RALGPS2: variants seen among roughly 807,000 people sequenced by gnomAD.
The protein encoded by RALGPS2 is Ral GEF with PH domain and SH3 binding motif 2.
A neutral mutation model predicts 86.8 loss-of-function variants in RALGPS2; 43 were observed. The observed-to-expected ratio is 0.50, with a 90% CI of 0.39 to 0.64. The LOEUF is 0.64. Among genes scored for constraint, RALGPS2 ranks in the 30% least tolerant of loss-of-function variants. The probability of loss-of-function intolerance (pLI) is 0.00; values close to 1 mark genes in which losing one functional copy is unlikely to be tolerated. For missense variants in RALGPS2, 536 were observed against 694.6 expected (o/e 0.77, Z 2.57); for synonymous variants, 243 against 231.3 (o/e 1.05, Z -0.46).
At chr1:178,814,428 G>GTC (rs761885056) in intron 6 of RALGPS2, among the ~76,000 whole-genome samples, 91 of 151,386 alleles carry the variant, frequency 6.0e-4, no homozygotes, top group African/African-American at 1.9e-3. Flanking sequence ...AAATTACTGA[G>GTC]TCTCTCTCTC....
At position 178,833,654 on chromosome 1, in the gene RALGPS2, A is replaced by G. The variant is rs573681541; in HGVS notation, c.607+104A>G. The G allele has an allele frequency of 3.5e-6, 5 of 1,446,338 alleles. No individual in the cohort carries two copies. In the South Asian group the frequency reaches 4.6e-5, roughly 13 times the overall value. 89.6% of individuals were successfully genotyped at this position (1,446,338 alleles called of 1,614,324 possible). ...TTTTTTAAATGTTTGTATCTTTTAA[A>G]TAAATTACTTCAAGATTGGTAAGCT... On this transcript the variant is annotated intron_variant, in intron 8 of 19. Transcript: ENST00000367635.
At chr1:178,731,271 G>GTTTTTTTTT (rs1491268143) in intron 1 of RALGPS2, among the ~76,000 whole-genome samples, 19 of 69,360 alleles carry the variant, frequency 2.7e-4, no homozygotes, top group African/African-American at 9.8e-4. Context: ...TAGTTGTTTT[G>GTTTTTTTTT]GTTTTTTTTT....
chr1:178,778,610 C>T, intron 2 of RALGPS2, among the ~76,000 whole-genome samples: 1 of 113,678 alleles, frequency 8.8e-6, no homozygotes, highest in Non-Finnish European at 1.8e-5. Context: ...TTTATTGCGG[C>T]ATTATTCACA....
intron 1 of RALGPS2, among the ~76,000 whole-genome samples, chr1:178,734,887 AGTTT>A (rs1341503560): frequency 6.6e-6 from 1 of 152,188 alleles, no homozygotes; most frequent in African/African-American, 2.4e-5. Context: ...AATGTTGAGT[AGTTT>A]GTGTGGTGGG....
At chr1:178,871,398 T>C (rs1658747088) in intron 8 of RALGPS2, among the ~76,000 whole-genome samples, 1 of 152,118 alleles carries the variant, frequency 6.6e-6, no homozygotes, top group African/African-American at 2.4e-5. Flanking sequence ...CACTTAGAAG[T>C]AGTTGCAGGC....
chr1:178,879,928 A>G (rs1659168433), intron 10 of RALGPS2: 1 of 151,928 alleles, frequency 6.6e-6, no homozygotes, highest in South Asian at 2.1e-4. Context: ...TCTTTCGTTG[A>G]TACAGTTTAC....
intron 1 of RALGPS2, among the ~76,000 whole-genome samples, chr1:178,732,332 T>C (rs1226725367): frequency 6.6e-6 from 1 of 150,534 alleles, no homozygotes; most frequent in African/African-American, 2.5e-5. Context: ...AGAGTCTCAC[T>C]CTGTCGCCTA....
intron 1 of RALGPS2, among the ~76,000 whole-genome samples, chr1:178,770,626 A>G (rs889112377): frequency 1.4e-5 from 2 of 147,268 alleles, no homozygotes; most frequent in African/African-American, 5.1e-5. Flanking sequence ...ATAGGCACCC[A>G]CCACCAGGCC....
chr1:178,730,524 A>G (rs1252547592), intron 1 of RALGPS2, among the ~76,000 whole-genome samples: 19 of 150,370 alleles, frequency 1.3e-4, no homozygotes, highest in Non-Finnish European at 2.7e-4. Flanking sequence ...TTTTTTTTCT[A>G]CAAACTGTCC....
At chr1:178,810,678 A>G (rs1654936036) in intron 5 of RALGPS2, among the ~76,000 whole-genome samples, 1 of 152,044 alleles carries the variant, frequency 6.6e-6, no homozygotes, top group African/African-American at 2.4e-5. Flanking sequence ...TATATGTAAA[A>G]TACATACATA....
intron 1 of RALGPS2, among the ~76,000 whole-genome samples, chr1:178,771,694 G>A (rs1353573855): frequency 6.6e-6 from 1 of 152,014 alleles, no homozygotes; most frequent in Non-Finnish European, 1.5e-5. Flanking sequence ...TAAAGTTAGG[G>A]AAAAATTGTC....
chr1:178,808,969 C>T (rs555580684), intron 5 of RALGPS2, among the ~76,000 whole-genome samples: 10 of 152,090 alleles, frequency 6.6e-5, no homozygotes, highest in Non-Finnish European at 1.5e-4. Flanking sequence ...GACTCAGCCT[C>T]TCAGGTAGCC....
intron 1 of RALGPS2, among the ~76,000 whole-genome samples, chr1:178,764,930 A>T (rs571936752): frequency 6.6e-6 from 1 of 152,196 alleles, no homozygotes; most frequent in African/African-American, 2.4e-5. Context: ...CTGTCTCATG[A>T]TAGAGTTCTC....
chr1:178,755,484 T>C (rs1054684880), intron 1 of RALGPS2, among the ~76,000 whole-genome samples: 7 of 152,208 alleles, frequency 4.6e-5, no homozygotes, highest in African/African-American at 1.7e-4. Flanking sequence ...TAATGGCCTC[T>C]AGCTGCATCC....
In RALGPS2 at chr1:178,856,718, T is replaced by C. The variant is rs183685510; in HGVS notation, c.608-20780T>C. Reference sequence around the variant, plus strand: ...CTCCTTTATTCCTCATCTTAACACATAATTGTAGCTTATTTAATAAAGTAG... The same window carrying C: ...CTCCTTTATTCCTCATCTTAACACACAATTGTAGCTTATTTAATAAAGTAG... On this transcript the variant is annotated intron_variant, in intron 8 of 19. Coordinates refer to ENST00000367635, the MANE Select transcript of RALGPS2 (RefSeq NM_152663.5). Among the ~76,000 whole-genome samples the C allele has an allele frequency of 2.2e-4, 34 of 152,260 alleles. 1 individual carries two copies. Among genetic ancestry groups the C allele is most frequent in the Admixed American group, 2.0e-3 (31 of 15,290 alleles).
chr1:178,775,191 T>A (rs1258734598), intron 1 of RALGPS2, among the ~76,000 whole-genome samples: 1 of 152,164 alleles, frequency 6.6e-6, no homozygotes, highest in African/African-American at 2.4e-5. Context: ...ACCACAACTC[T>A]ATGAAGTAGG....
At chr1:178,799,165 G>A (rs1263074851) in intron 4 of RALGPS2, among the ~76,000 whole-genome samples, 1 of 152,088 alleles carries the variant, frequency 6.6e-6, no homozygotes, top group African/African-American at 2.4e-5. Context: ...TCAGACTCCT[G>A]AGTAGCTTGG....
chr1:178,815,451 T>G (rs1376952731), intron 6 of RALGPS2, among the ~76,000 whole-genome samples: 1 of 152,202 alleles, frequency 6.6e-6, no homozygotes, highest in African/African-American at 2.4e-5. Flanking sequence ...AAGCTTTGCA[T>G]GTATCTTGCT....
Position 178,888,275 on chromosome 1 carries a change from T to C in RALGPS2, c.1193-1367T>C, listed in dbSNP as rs552338706. Among the ~76,000 whole-genome samples the C allele has an allele frequency of 4.6e-5, 7 of 152,270 alleles. No homozygotes were observed. In the South Asian group the frequency reaches 1.2e-3, roughly 27 times the overall value. On this transcript the variant is annotated intron_variant, in intron 13 of 19. Transcript: ENST00000367635. ...GATTTTTGTTTTAAAGCTTTAACAA[T>C]ATGAAAAAAAGAATAAGTCTATTAC...
Sources: allele counts gnomAD v4.1 joint callset (sites outside exome capture counted in the v4.1 genomes callset), GRCh38; gene constraint gnomAD v4.1.1; transcripts MANE v1.5; gene names NCBI Gene and HGNC (gene_info 2026-07-23, HGNC 2026-07-21).